The following SYTL5 variants were observed in gnomAD, a reference collection of about 807,000 sequenced individuals.
The protein encoded by SYTL5 is synaptotagmin like 5.
A neutral mutation model predicts 55.9 loss-of-function variants in SYTL5; 34 were observed. The ratio of observed to expected loss-of-function variants is 0.61; its 90% confidence interval spans 0.46 to 0.81. The LOEUF (loss-of-function observed/expected upper bound fraction) is 0.81. Ranked by LOEUF, SYTL5 falls within the 30% of genes least tolerant of loss-of-function variation. SYTL5 has a pLI of 0.00. For synonymous variants in SYTL5, 221 were observed against 188.7 expected (o/e 1.17, Z -1.40); for missense variants, 637 against 546.7 (o/e 1.17, Z -1.65).
At chrX:37,982,877 G>T in the SYTL5 span, among the ~76,000 whole-genome samples, 2 of 110,858 alleles carry the variant, frequency 1.8e-5, no homozygotes, top group African/African-American at 6.5e-5. Context: ...GTATTGCTGG[G>T]TTTGTAGAAT....
At chrX:37,958,222 C>A in the SYTL5 span, among the ~76,000 whole-genome samples, 23 of 104,778 alleles carry the variant, frequency 2.2e-4, no homozygotes, top group African/African-American at 2.8e-4. Flanking sequence ...AAAAAAAAAA[C>A]AAAAAAAACC....
chrX:38,113,789 G>A (rs903165839), intron 13 of SYTL5, among the ~76,000 whole-genome samples: 2 of 111,545 alleles, frequency 1.8e-5, no homozygotes, highest in African/African-American at 6.5e-5. Context: ...GAGCCTTCGG[G>A]CTGCTAGAGA....
At chrX:37,999,631 T>G in the SYTL5 span, among the ~76,000 whole-genome samples, 3 of 112,020 alleles carry the variant, frequency 2.7e-5, no homozygotes, top group African/African-American at 9.8e-5. Flanking sequence ...TCTGGTCCCC[T>G]CAGTAGAATT....
At chrX:38,045,024 T>A (rs1278788445) in intron 2 of SYTL5, among the ~76,000 whole-genome samples, 1 of 111,964 alleles carries the variant, frequency 8.9e-6, no homozygotes, top group African/African-American at 3.2e-5. Context: ...AAGATCCCTG[T>A]CTTAGGTTGG....
the SYTL5 span, among the ~76,000 whole-genome samples, chrX:37,929,712 A>AT: frequency 8.9e-6 from 1 of 111,806 alleles, no homozygotes; most frequent in Non-Finnish European, 1.9e-5. Flanking sequence ...TGAGGAAATT[A>AT]TTTCCTTTTG....
the SYTL5 span, among the ~76,000 whole-genome samples, chrX:37,981,624 G>A: frequency 9.0e-6 from 1 of 111,547 alleles, no homozygotes; most frequent in Admixed American, 9.5e-5. Flanking sequence ...CATTGACCTA[G>A]GTAACTAACC....
At chrX:37,991,050 G>C in the SYTL5 span, 1 of 1,211,691 alleles carries the variant, frequency 8.3e-7, no homozygotes, top group South Asian at 1.8e-5. Context: ...GGTAGGCTTG[G>C]AGGCCAGCAA....
intron 1 of SYTL5, among the ~76,000 whole-genome samples, chrX:38,020,079 G>C (rs1934496557): frequency 9.0e-6 from 1 of 111,078 alleles, no homozygotes; most frequent in Non-Finnish European, 1.9e-5. Flanking sequence ...TTAGGAACTA[G>C]ATGTATTAAC....
At chrX:38,022,777 T>C (rs1934601958) in intron 1 of SYTL5, among the ~76,000 whole-genome samples, 1 of 112,343 alleles carries the variant, frequency 8.9e-6, no homozygotes, top group Non-Finnish European at 1.9e-5. Context: ...TTATTCAGTT[T>C]ATCATAGATA....
At chrX:38,060,470 T>C (rs915686765) in intron 3 of SYTL5, among the ~76,000 whole-genome samples, 1 of 111,989 alleles carries the variant, frequency 8.9e-6, no homozygotes, top group African/African-American at 3.2e-5. Flanking sequence ...TTATCTGTAC[T>C]GTTCACTGAT....
At chrX:38,122,042 C>A in intron 14 of SYTL5, 38 bp from the exon 15 acceptor site, 1 of 1,107,671 alleles carries the variant, frequency 9.0e-7, no homozygotes, top group South Asian at 2.5e-5. Context: ...TTTTTTTTCT[C>A]TTTCTCCACC....
upstream of SYTL5, among the ~76,000 whole-genome samples, chrX:38,003,857 G>T (rs1234114652): frequency 1.8e-5 from 2 of 111,850 alleles, no homozygotes; most frequent in Non-Finnish European, 3.8e-5. Flanking sequence ...ATTTGTTATT[G>T]CTTCTCTTTT....
intron 3 of SYTL5, among the ~76,000 whole-genome samples, chrX:38,059,923 C>T (rs1320027989): frequency 4.5e-5 from 5 of 110,979 alleles, no homozygotes; most frequent in Non-Finnish European, 9.5e-5. Context: ...TTATTTTTGT[C>T]ATTTATATTC....
chrX:38,031,574 T>A (rs1934953771), intron 1 of SYTL5, among the ~76,000 whole-genome samples: 1 of 112,287 alleles, frequency 8.9e-6, no homozygotes. Context: ...TATAAAACAT[T>A]CACAAAGTAA....
intron 13 of SYTL5, among the ~76,000 whole-genome samples, chrX:38,118,330 G>T (rs768829555): frequency 6.5e-4 from 73 of 111,836 alleles, no homozygotes; most frequent in Non-Finnish European, 1.2e-3. Flanking sequence ...AACAGTCTCA[G>T]TATTTTTAAT....
At chrX:38,057,372 T>C (rs1935820317) in intron 3 of SYTL5, among the ~76,000 whole-genome samples, 1 of 111,913 alleles carries the variant, frequency 8.9e-6, no homozygotes, top group South Asian at 3.7e-4. Flanking sequence ...ACCATGCTGA[T>C]TTGTGTATGC....
chrX:38,106,299 G>A (rs773040480), intron 10 of SYTL5, among the ~76,000 whole-genome samples: 1 of 112,026 alleles, frequency 8.9e-6, no homozygotes, highest in East Asian at 2.8e-4. Flanking sequence ...CAATTACCCT[G>A]TATTCATTAG....
Position 38,094,428 on chromosome X carries a change from G to T in SYTL5, c.961+4G>T, listed in dbSNP as rs1569184248. The T allele has an allele frequency of 5.9e-6, 7 of 1,187,388 alleles. No homozygotes were observed. The highest frequency in any genetic ancestry group is 8.0e-6 in the Non-Finnish European group (7 of 880,062). On this transcript the variant is annotated splice_donor_region_variant and intron_variant, in intron 8 of 16. Transcript: ENST00000297875. ...TCTGGAACCTCTCTCTCCTCAGGTG[G>T]GTATTTACAATGTGCCTACTTTGTT...
chrX:38,122,330 G>A, intron 15 of SYTL5, 115 bp downstream of exon 15: 1 of 576,173 alleles, frequency 1.7e-6, no homozygotes, highest in Non-Finnish European at 2.6e-6. Context: ...GAAGTGTATG[G>A]GTGAGAACTA....
Sources: allele counts gnomAD v4.1 joint callset (sites outside exome capture counted in the v4.1 genomes callset), GRCh38; gene constraint gnomAD v4.1.1; transcripts MANE v1.5; gene names NCBI Gene and HGNC (gene_info 2026-07-23, HGNC 2026-07-21).